C11orf58: variants seen among roughly 807,000 people sequenced by gnomAD.
C11orf58 encodes chromosome 11 open reading frame 58, also known as small acidic protein.
C11orf58 carries 5 observed loss-of-function variants against 22.7 expected under a neutral mutation model. The observed-to-expected ratio is 0.22, with a 90% confidence interval of 0.12 to 0.46. C11orf58 has a LOEUF of 0.46. C11orf58 is among the 20% of genes least tolerant of loss of function. The pLI, the probability that C11orf58 is intolerant of heterozygous loss-of-function variation, is 0.99. For missense variants in C11orf58, 151 were observed against 223.3 expected (o/e 0.68, Z 2.06); for synonymous variants, 71 against 70.7 (o/e 1.00, Z -0.02).
chr11:16,745,960 T>G (rs1848484637), intron 2 of C11orf58, among the ~76,000 whole-genome samples: 2 of 152,256 alleles, frequency 1.3e-5, no homozygotes, highest in South Asian at 4.1e-4. Flanking sequence ...AATTACAGAC[T>G]ACCTACTACT....
rs1242754643 is a variant in C11orf58 at position 16,757,852 on chromosome 11, A to G, written c.*2748A>G. On this transcript the variant is annotated 3_prime_UTR_variant, in exon 5 of 5. Transcript: ENST00000228136. ...AGGCAAAAGTCCTCTTCTCTAGTATAATTTTTTAAATCTGAGAGAATTGAA... is the reference window on the plus strand; with the variant it reads ...AGGCAAAAGTCCTCTTCTCTAGTATGATTTTTTAAATCTGAGAGAATTGAA... Among the ~76,000 whole-genome samples, 1 of 152,222 alleles carries G rather than the reference A, an allele frequency of 6.6e-6. No individual in the cohort carries two copies. The highest frequency in any genetic ancestry group is 1.5e-5 in the Non-Finnish European group (1 of 68,042).
intron 1 of C11orf58, among the ~76,000 whole-genome samples, 165 bp downstream of exon 1, chr11:16,739,006 G>T (rs1376271584): frequency 6.6e-6 from 1 of 152,060 alleles, no homozygotes; most frequent in Non-Finnish European, 1.5e-5. Flanking sequence ...TCTTTATGAG[G>T]GTCAGAAGGT....
intron 3 of C11orf58, chr11:16,750,079 C>T (rs1848520199): frequency 6.6e-6 from 1 of 152,064 alleles, no homozygotes. Context: ...GGGAAAGACC[C>T]AATGATGAGA....
At chr11:16,741,227 CA>C (rs1405883306) in intron 1 of C11orf58, among the ~76,000 whole-genome samples, 1 of 151,764 alleles carries the variant, frequency 6.6e-6, no homozygotes, top group Non-Finnish European at 1.5e-5. Context: ...GGTAACAAAA[CA>C]TTTTTTTACT....
At chr11:16,747,249 A>C (rs1264535754) in intron 2 of C11orf58, 1 of 152,256 alleles carries the variant, frequency 6.6e-6, no homozygotes, top group Non-Finnish European at 1.5e-5. Context: ...GAGCATTAAC[A>C]CTTGAAGTTT....
At chr11:16,746,178 T>A (rs1399293657) in intron 2 of C11orf58, among the ~76,000 whole-genome samples, 2 of 152,212 alleles carry the variant, frequency 1.3e-5, no homozygotes, top group Non-Finnish European at 2.9e-5. Flanking sequence ...TCTCAAAGGA[T>A]GAGAAGGAGT....
At position 16,738,674 on chromosome 11, in the gene C11orf58, C is replaced by T. The variant is rs938928503; in HGVS notation, c.-105C>T. 9 of 1,293,220 alleles carry T rather than the reference C, an allele frequency of 7.0e-6. No homozygotes were observed. In the African/African-American group the frequency reaches 1.2e-4, roughly 17 times the overall value. 80.1% of individuals were successfully genotyped at this position (1,293,220 alleles called of 1,614,324 possible). ...AGAAGGCCCGGAGGGGCTCTGCGTT[C>T]TGTAGTGGCGCTGCTTGGGCCCTTG... On this transcript the variant is annotated 5_prime_UTR_variant, in exon 1 of 5. Coordinates refer to ENST00000228136, the MANE Select transcript of C11orf58 (RefSeq NM_014267.6).
intron 1 of C11orf58, among the ~76,000 whole-genome samples, chr11:16,742,144 C>CTGAAAA (rs1469175839): frequency 1.3e-5 from 2 of 152,174 alleles, no homozygotes; most frequent in African/African-American, 4.8e-5. Context: ...TATATAAACA[C>CTGAAAA]TGAAAATGTT....
chr11:16,743,293 C>G (rs77190015), intron 1 of C11orf58, among the ~76,000 whole-genome samples: 1,752 of 152,274 alleles, frequency 0.012, 26 homozygotes, highest in African/African-American at 0.04. Context: ...AGATAAAACA[C>G]TCACACCTCC....
chr11:16,755,298 G>C lies in C11orf58; in HGVS notation c.*194G>C. ...ATGACTATAACCATTTTTGTAAAGA[G>C]TAAGAGTTGTATAAAATAAGAAATA... On this transcript the variant is annotated 3_prime_UTR_variant, in exon 5 of 5. Coordinates refer to ENST00000228136, the MANE Select transcript of C11orf58 (RefSeq NM_014267.6). 1 of 532,534 alleles carries C rather than the reference G, an allele frequency of 1.9e-6. No individual in the cohort carries two copies. The allele number at this position is 532,534 out of a possible 1,614,324, so 33.0% of individuals were successfully genotyped here. A position where few individuals can be genotyped will look rare whatever the true frequency, so the allele number is the denominator to read the frequency against.
intron 1 of C11orf58, chr11:16,744,348 G>A (rs573430784): frequency 1.9e-5 from 8 of 421,898 alleles, no homozygotes; most frequent in African/African-American, 1.4e-4. Flanking sequence ...AGCCCTCTAG[G>A]TGACGCTGAT....
intron 2 of C11orf58, 131 bp from the exon 3 acceptor site, chr11:16,747,966 C>T: frequency 2.9e-6 from 2 of 695,256 alleles, no homozygotes. Flanking sequence ...TCCTTAAAGG[C>T]AGAGATTCTA....
intron 3 of C11orf58, chr11:16,750,847 G>A (rs980840748): frequency 1.3e-5 from 2 of 152,228 alleles, no homozygotes; most frequent in Admixed American, 6.5e-5. Flanking sequence ...ATGACTGGAC[G>A]GCTTTCTGTT....
In C11orf58 at chr11:16,755,729, G is replaced by A. The variant is rs758222333; in HGVS notation, c.*625G>A. The A allele has an allele frequency of 5.2e-5, 8 of 152,544 alleles. No homozygotes were observed. The East Asian group carries it at 5.8e-4, about 11-fold the overall frequency. 9.4% of individuals were successfully genotyped at this position (152,544 alleles called of 1,614,324 possible). On this transcript the variant is annotated 3_prime_UTR_variant, in exon 5 of 5. Transcript: ENST00000228136. ...GTCTTTTTATAATTTGGATTGTATC[G>A]TATGTTAGATTTTTGATAAAATTTG...
intron 1 of C11orf58, among the ~76,000 whole-genome samples, chr11:16,741,118 G>T (rs1007246976): frequency 1.4e-5 from 2 of 139,808 alleles, no homozygotes; most frequent in Non-Finnish European, 3.1e-5. Context: ...AAAAAATCTA[G>T]TTATAATATA....
rs1279415507 is a variant in C11orf58 at position 16,748,132 on chromosome 11, C to T, written c.183C>T (p.His61=). 2 of 1,613,022 alleles carry T rather than the reference C, an allele frequency of 1.2e-6. No homozygotes were observed. The highest frequency in any genetic ancestry group is 1.3e-5 in the African/African-American group (1 of 74,972). Residue 61 remains histidine (H), a synonymous_variant, in exon 3 of 5, where the codon CAC becomes CAT. Transcript: ENST00000228136. ...CTGGTCGTCTTGTTATAGGAGATCA[C>T]AAATCAACATCTCACTTCCGAACCG... The part of the protein sequence containing the change: ...EHTGRLVIGD[H]KSTSHFRTGE...
At chr11:16,746,124 T>C (rs988773203) in intron 2 of C11orf58, among the ~76,000 whole-genome samples, 1 of 152,230 alleles carries the variant, frequency 6.6e-6, no homozygotes, top group African/African-American at 2.4e-5. Flanking sequence ...CTAACTCTGG[T>C]TTAGCAGTGC....
intron 3 of C11orf58, chr11:16,751,907 G>A (rs1848536497): frequency 6.6e-6 from 1 of 152,216 alleles, no homozygotes. Context: ...GTATGTTTGA[G>A]ACAACTTCAC....
intron 1 of C11orf58, chr11:16,744,136 CAACT>C (rs948340182): frequency 3.3e-5 from 5 of 151,880 alleles, no homozygotes; most frequent in African/African-American, 1.2e-4. Flanking sequence ...TTTTTAACTT[CAACT>C]AACAACTGTG....
Sources: allele counts gnomAD v4.1 joint callset (sites outside exome capture counted in the v4.1 genomes callset), GRCh38; gene constraint gnomAD v4.1.1; transcripts MANE v1.5; gene names NCBI Gene and HGNC (gene_info 2026-07-23, HGNC 2026-07-21).